Variants in SSH2 observed in about 807,000 individuals in gnomAD.
SSH2 encodes slingshot protein phosphatase 2, also known as protein phosphatase Slingshot homolog 2.
A neutral mutation model predicts 135.2 loss-of-function variants in SSH2; 37 were observed. The observed-to-expected ratio is 0.27, with a 90% CI of 0.21 to 0.36. SSH2 has a LOEUF of 0.36. Ranked by LOEUF, SSH2 falls within the 10% of genes least tolerant of loss-of-function variation. The pLI, the probability that SSH2 is intolerant of heterozygous loss-of-function variation, is 1.00. For missense variants in SSH2, 1,408 were observed against 1,765.3 expected (o/e 0.80, Z 3.63); for synonymous variants, 628 against 646.2 (o/e 0.97, Z 0.43).
At chr17:29,709,052 A>AGAGAGAGAGC (rs1491229455) in intron 3 of SSH2, among the ~76,000 whole-genome samples, 16 of 144,652 alleles carry the variant, frequency 1.1e-4, no homozygotes, top group African/African-American at 2.3e-4. Flanking sequence ...AGAGAGAGAG[A>AGAGAGAGAGC]GCTAATAATA....
At chr17:29,723,283 T>TA (rs1426758851) in intron 3 of SSH2, among the ~76,000 whole-genome samples, 3 of 152,090 alleles carry the variant, frequency 2.0e-5, no homozygotes, top group Admixed American at 2.0e-4. Flanking sequence ...GCAAAGACAA[T>TA]ACAGTTGTTC....
chr17:29,929,804 G>C, intron 1 of SSH2, 134 bp downstream of exon 1: 1 of 767,738 alleles, frequency 1.3e-6, no homozygotes, highest in Non-Finnish European at 2.1e-6. Flanking sequence ...GGGTGTGGGG[G>C]GGTTCGCGGC....
rs139086793 is a variant in SSH2 at position 29,672,108 on chromosome 17, G to A, written c.636C>T (p.His212=). The part of the protein sequence containing the change: ...QAMWSALQSL[H]KACEVARAHN... ...GCGCTCTGGCGACTTCACAAGCCTT[G>A]TGTAAGCTCTGTAGTGCAGACCTGA... The change falls in exon 9 of 16, where the codon CAC becomes CAT. Residue 212 remains histidine, a synonymous_variant. Coordinates refer to ENST00000540801, the MANE Select transcript of SSH2 (RefSeq NM_001282129.2). The A allele has an allele frequency of 6.2e-7, 1 of 1,614,026 alleles. No homozygotes were observed. Among genetic ancestry groups the A allele is most frequent in the Non-Finnish European group, 8.5e-7 (1 of 1,179,944 alleles).
chr17:29,632,216 G>A lies in SSH2; in HGVS notation c.2978C>T (p.Pro993Leu), dbSNP rs747689190. Reference protein sequence around the residue: ...APRVLEFDHLPDPQEGPGSDT... With the variant: ...APRVLEFDHLLDPQEGPGSDT... ...TGACCCTGGGCCCTCCTGAGGATCTGGCAAGTGGTCAAACTCCAGCACCCT... is the reference window on the plus strand; with the variant it reads ...TGACCCTGGGCCCTCCTGAGGATCTAGCAAGTGGTCAAACTCCAGCACCCT... The change falls in exon 16 of 16, where the codon CCA becomes CTA. Residue 993 changes from proline (P) to leucine (L), a missense_variant. Pro to Leu is a moderately conservative substitution (Grantham distance 98, BLOSUM62 -3). Transcript: ENST00000540801. 1 of 1,613,988 alleles carries A rather than the reference G, an allele frequency of 6.2e-7. No individual in the cohort carries two copies. Among genetic ancestry groups the A allele is most frequent in the Admixed American group, 1.7e-5 (1 of 60,016 alleles).
chr17:29,890,855 A>G (rs561340284), intron 1 of SSH2, among the ~76,000 whole-genome samples: 4 of 152,192 alleles, frequency 2.6e-5, no homozygotes, highest in African/African-American at 7.2e-5. Flanking sequence ...TCCTGTGTTC[A>G]AGTGATTTTC....
At chr17:29,791,752 G>A (rs1314371549) in intron 3 of SSH2, among the ~76,000 whole-genome samples, 1 of 152,040 alleles carries the variant, frequency 6.6e-6, no homozygotes, top group Non-Finnish European at 1.5e-5. Flanking sequence ...TAACAGATTA[G>A]CAAATTTTGA....
intron 3 of SSH2, among the ~76,000 whole-genome samples, chr17:29,719,557 GTA>G (rs998924767): frequency 2.6e-5 from 4 of 151,604 alleles, no homozygotes; most frequent in Non-Finnish European, 5.9e-5. Context: ...AGGGGACTTT[GTA>G]ACTATCATTT....
chr17:29,805,435 G>A (rs545819005), intron 2 of SSH2, among the ~76,000 whole-genome samples: 16 of 152,156 alleles, frequency 1.1e-4, no homozygotes, highest in African/African-American at 2.2e-4. Flanking sequence ...GATTACAGGC[G>A]TGAGCCACCA....
intron 1 of SSH2, among the ~76,000 whole-genome samples, chr17:29,875,521 G>A (rs1212746010): frequency 6.6e-6 from 1 of 152,026 alleles, no homozygotes; most frequent in Non-Finnish European, 1.5e-5. Flanking sequence ...GCCATCTTTT[G>A]AAAGCACAAA....
intron 2 of SSH2, among the ~76,000 whole-genome samples, chr17:29,839,952 G>T (rs2043010317): frequency 6.6e-6 from 1 of 152,148 alleles, no homozygotes; most frequent in Non-Finnish European, 1.5e-5. Flanking sequence ...TTGCCTCAAA[G>T]ACTTGGATTC....
At chr17:29,852,696 C>A (rs1007623787) in intron 1 of SSH2, among the ~76,000 whole-genome samples, 1 of 150,952 alleles carries the variant, frequency 6.6e-6, no homozygotes, top group Non-Finnish European at 1.5e-5. Flanking sequence ...GGACTACAGG[C>A]GCGTGCCACC....
chr17:29,639,947 A>G (rs1484598145), intron 14 of SSH2, among the ~76,000 whole-genome samples: 3 of 152,200 alleles, frequency 2.0e-5, no homozygotes, highest in Non-Finnish European at 4.4e-5. Flanking sequence ...CTCACCCACC[A>G]TAGTAGGACA....
chr17:29,757,727 C>CA (rs57511763), intron 3 of SSH2, among the ~76,000 whole-genome samples: 4,229 of 78,712 alleles, frequency 0.054, 171 homozygotes, highest in African/African-American at 0.13. Context: ...GCTGTCTCTA[C>CA]AAAAAAAAAA....
chr17:29,740,533 G>A (rs1486170612), intron 3 of SSH2, among the ~76,000 whole-genome samples: 2 of 151,678 alleles, frequency 1.3e-5, no homozygotes, highest in African/African-American at 4.8e-5. Flanking sequence ...GAGCCTTTGA[G>A]AAACATGCAT....
intron 3 of SSH2, among the ~76,000 whole-genome samples, chr17:29,755,635 C>G (rs2041088825): frequency 6.6e-6 from 1 of 151,394 alleles, no homozygotes; most frequent in South Asian, 2.1e-4. Flanking sequence ...TCACTTTGGT[C>G]TATTCACTTT....
chr17:29,663,439 T>C (rs543657709), intron 11 of SSH2, among the ~76,000 whole-genome samples: 1 of 152,340 alleles, frequency 6.6e-6, no homozygotes, highest in African/African-American at 2.4e-5. Flanking sequence ...ACATAGGATA[T>C]GGCAGTGTAA....
chr17:29,791,155 G>T (rs905980368), intron 3 of SSH2, among the ~76,000 whole-genome samples: 5 of 150,928 alleles, frequency 3.3e-5, no homozygotes, highest in African/African-American at 1.2e-4. Context: ...GCTTGATCTC[G>T]GCTCACTGCA....
chr17:29,722,196 C>T (rs1043532671), intron 3 of SSH2, among the ~76,000 whole-genome samples: 10 of 151,650 alleles, frequency 6.6e-5, no homozygotes, highest in Middle Eastern at 3.2e-3. Flanking sequence ...ACTGCTTGAA[C>T]CCGGGAGGTG....
At chr17:29,904,849 C>T (rs1251923705) in intron 1 of SSH2, among the ~76,000 whole-genome samples, 3 of 152,134 alleles carry the variant, frequency 2.0e-5, no homozygotes, top group Non-Finnish European at 4.4e-5. Context: ...CATTTCTATA[C>T]ACCAACAACA....
Sources: gnomAD v4.1 joint callset for allele counts (sites outside exome capture counted in the v4.1 genomes callset) on GRCh38, gnomAD v4.1.1 for gene constraint, MANE v1.5 for transcripts, NCBI Gene and HGNC (gene_info 2026-07-23, HGNC 2026-07-21) for gene names.